ANKH: variants seen among roughly 807,000 people sequenced by gnomAD.
ANKH encodes the protein mineralization regulator ANKH.
ANKH carries 15 observed loss-of-function variants against 49.0 expected under a neutral mutation model. The observed-to-expected ratio is 0.31, with a 90% CI of 0.20 to 0.47. The LOEUF is 0.47. ANKH is among the 20% of genes least tolerant of loss of function. The pLI is 1.00. For missense variants in ANKH, 429 were observed against 652.0 expected, an observed-to-expected ratio of 0.66 and a Z score of 3.72; for synonymous variants, 273 against 260.0, an observed-to-expected ratio of 1.05 and a Z score of -0.48.
In ANKH at chr5:14,732,280, G is replaced by T. The variant is rs1738028845; in HGVS notation, c.1011+9547C>A. ...CATCTGTGCCTGGGACTGGGAGGCT[G>T]TAAATAGCAGGGGGTGACGGGTCAA... On this transcript the variant is annotated intron_variant, in intron 8 of 11. Coordinates refer to ENST00000284268, the MANE Select transcript of ANKH (RefSeq NM_054027.6). Among the ~76,000 whole-genome samples the T allele has an allele frequency of 2.6e-5, 4 of 152,072 alleles. No individual in the cohort carries two copies. In the South Asian group the frequency reaches 8.3e-4, roughly 32 times the overall value.
intron 1 of ANKH, among the ~76,000 whole-genome samples, chr5:14,841,988 G>C (rs539174539): frequency 1.3e-5 from 2 of 152,120 alleles, no homozygotes; most frequent in South Asian, 4.2e-4. Context: ...TTAGTCTTAA[G>C]AAAAATAAAA....
rs1165487039 is a variant in ANKH at position 14,725,001 on chromosome 5, C to T, written c.1012-8166G>A. Among the ~76,000 whole-genome samples, 1 of 152,080 alleles carries T rather than the reference C, an allele frequency of 6.6e-6. No homozygotes were observed. The highest frequency in any genetic ancestry group is 1.5e-5 in the Non-Finnish European group (1 of 68,014). ...ATATGCAGCTGTTTTGAATAAAAAT[C>T]GCTGGCCCTGGACATCATTTTTATT... On this transcript the variant is annotated intron_variant, in intron 8 of 11. Coordinates refer to ENST00000284268, the MANE Select transcript of ANKH (RefSeq NM_054027.6). This position sits in a 1 kb window ranked among gnomAD's most constrained non-coding sequence, Gnocchi z 4.0.
At chr5:14,744,771 G>T (rs1208027601) in intron 7 of ANKH, among the ~76,000 whole-genome samples, 1 of 152,228 alleles carries the variant, frequency 6.6e-6, no homozygotes, top group Admixed American at 6.5e-5. Context: ...CTGCTCCGCA[G>T]GCCTCGCCCC....
intron 1 of ANKH, among the ~76,000 whole-genome samples, chr5:14,809,102 G>A (rs1051855770): frequency 4.7e-5 from 6 of 128,106 alleles, no homozygotes; most frequent in East Asian, 4.4e-4. Flanking sequence ...ACCAAACACC[G>A]CATATTCTCA....
chr5:14,749,226 A>G lies in ANKH; in HGVS notation c.768T>C (p.Pro256=). 3 of 1,614,180 alleles carry G rather than the reference A, an allele frequency of 1.9e-6. No individual in the cohort carries two copies. The highest frequency in any genetic ancestry group is 2.5e-6 in the Non-Finnish European group (3 of 1,180,002). The change falls in exon 6 of 12, where the codon CCT becomes CCC. Residue 256 remains proline (P), a synonymous_variant. Transcript: ENST00000284268. Reference sequence around the variant, plus strand: ...CCCGGGAAACAAAGAGGTTGACAATAGGCCGACTGATTCTCTGTGTGGCCA... The same window carrying G: ...CCCGGGAAACAAAGAGGTTGACAATGGGCCGACTGATTCTCTGTGTGGCCA... ...LILATQRISR[P]IVNLFVSRDL...
At chr5:14,862,233 TCAAA>T (rs1004469267) in intron 1 of ANKH, among the ~76,000 whole-genome samples, 33 of 152,168 alleles carry the variant, frequency 2.2e-4, no homozygotes, top group Non-Finnish European at 4.4e-4. Context: ...CGAAACTGTC[TCAAA>T]CAAACAAACA....
Position 14,838,288 on chromosome 5 carries a change from C to T in ANKH, c.96+33064G>A, listed in dbSNP as rs536010253. Among the ~76,000 whole-genome samples the T allele has an allele frequency of 1.9e-3, 276 of 146,592 alleles. 2 individuals are homozygous for T. Among genetic ancestry groups the T allele is most frequent in the African/African-American group, 6.6e-3 (261 of 39,510 alleles). ...AATAAAAAAATTACCTAACGCTAAA[C>T]GACGAGTTAATGGGTGCAGCACACC... On this transcript the variant is annotated intron_variant, in intron 1 of 11. Coordinates refer to ENST00000284268, the MANE Select transcript of ANKH (RefSeq NM_054027.6).
At chr5:14,833,067 A>G (rs1297509995) in intron 1 of ANKH, among the ~76,000 whole-genome samples, 1 of 152,204 alleles carries the variant, frequency 6.6e-6, no homozygotes. Context: ...AACCTGCACT[A>G]TTATTCCTAT....
intron 1 of ANKH, among the ~76,000 whole-genome samples, chr5:14,850,471 G>A (rs180780873): frequency 9.2e-4 from 140 of 152,360 alleles, no homozygotes; most frequent in Non-Finnish European, 1.7e-3. Flanking sequence ...GCATTCAGCC[G>A]CTGATTTCCT....
intron 1 of ANKH, among the ~76,000 whole-genome samples, chr5:14,858,852 T>C (rs1410632768): frequency 1.3e-5 from 2 of 151,730 alleles, no homozygotes; most frequent in African/African-American, 4.8e-5. Flanking sequence ...GCATAAGATA[T>C]TCTTATTTTC....
chr5:14,819,890 AAC>A (rs1189148543), intron 1 of ANKH, among the ~76,000 whole-genome samples: 41 of 121,906 alleles, frequency 3.4e-4, no homozygotes, highest in East Asian at 2.1e-4. Flanking sequence ...CAACAACAAC[AAC>A]AAAAATATAC....
chr5:14,806,781 G>A (rs2126567472), intron 1 of ANKH, among the ~76,000 whole-genome samples: 1 of 152,242 alleles, frequency 6.6e-6, no homozygotes, highest in African/African-American at 2.4e-5. Flanking sequence ...GGAGATGGCT[G>A]GGAAAGACAC....
chr5:14,858,438 C>T (rs1735357144), intron 1 of ANKH, among the ~76,000 whole-genome samples: 1 of 152,056 alleles, frequency 6.6e-6, no homozygotes, highest in Non-Finnish European at 1.5e-5. Flanking sequence ...CGCATAGTGC[C>T]AGATGTGGTG....
At chr5:14,871,133 A>C in intron 1 of ANKH, 1 of 666,542 alleles carries the variant, frequency 1.5e-6, no homozygotes, top group South Asian at 1.5e-5. Context: ...CAGTCTTTTT[A>C]ACATTTTCCA....
intron 1 of ANKH, chr5:14,869,080 A>G (rs1186777873): frequency 6.6e-6 from 1 of 152,202 alleles, no homozygotes; most frequent in Non-Finnish European, 1.5e-5. Context: ...CTAGAACTCC[A>G]TATAAACTCA....
At chr5:14,790,917 A>G (rs988647971) in intron 1 of ANKH, among the ~76,000 whole-genome samples, 3 of 152,114 alleles carry the variant, frequency 2.0e-5, no homozygotes. Flanking sequence ...GCCAAGATCC[A>G]ACTCTTTTCA....
intron 1 of ANKH, among the ~76,000 whole-genome samples, chr5:14,834,363 A>G (rs546346483): frequency 9.8e-5 from 15 of 152,322 alleles, no homozygotes; most frequent in African/African-American, 3.1e-4. Context: ...TATGATTACT[A>G]TTGCTAATTA....
intron 1 of ANKH, among the ~76,000 whole-genome samples, chr5:14,780,724 T>C (rs1739780254): frequency 6.6e-6 from 1 of 152,200 alleles, no homozygotes; most frequent in Non-Finnish European, 1.5e-5. Flanking sequence ...TTTACTTGCC[T>C]CATCCTAGAC....
At chr5:14,793,366 G>A (rs1740266403) in intron 1 of ANKH, among the ~76,000 whole-genome samples, 1 of 151,806 alleles carries the variant, frequency 6.6e-6, no homozygotes, top group Non-Finnish European at 1.5e-5. Context: ...ACCCCTAAAT[G>A]TTCCTCAGCC....
Sources: gnomAD v4.1 joint callset for allele counts (sites outside exome capture counted in the v4.1 genomes callset) on GRCh38, gnomAD v4.1.1 for gene constraint, Gnocchi (gnomAD v3.1) non-coding constraint, MANE v1.5 for transcripts, NCBI Gene and HGNC (gene_info 2026-07-23, HGNC 2026-07-21) for gene names.